The following SGCD variants were observed in gnomAD, a reference collection of about 807,000 sequenced individuals.
SGCD encodes the protein delta-sarcoglycan.
A neutral mutation model predicts 36.6 loss-of-function variants in SGCD; 18 were observed. The ratio of observed to expected loss-of-function variants is 0.49; its 90% CI spans 0.34 to 0.73. The LOEUF is 0.73. Among genes scored for constraint, SGCD ranks in the 30% least tolerant of loss-of-function variants. The pLI is 0.01. For missense variants in SGCD, 387 were observed against 346.7 expected (o/e 1.12, Z -0.92); for synonymous variants, 133 against 130.6 (o/e 1.02, Z -0.12).
intron 7 of SGCD, among the ~76,000 whole-genome samples, chr5:156,748,389 T>A (rs1463247173): frequency 6.6e-6 from 1 of 152,188 alleles, no homozygotes; most frequent in East Asian, 1.9e-4. Context: ...TCTGAAATTT[T>A]AAAAATTTCG....
At chr5:155,917,543 A>G (rs1310733377) in intron 1 of SGCD, among the ~76,000 whole-genome samples, 3 of 152,252 alleles carry the variant, frequency 2.0e-5, no homozygotes, top group Non-Finnish European at 4.4e-5. Context: ...GAAATAAAAC[A>G]TACAGCCTAA....
At chr5:155,761,909 G>T in the SGCD span, among the ~76,000 whole-genome samples, 1 of 151,962 alleles carries the variant, frequency 6.6e-6, no homozygotes, top group African/African-American at 2.4e-5. Context: ...TGTCATGTCT[G>T]CCAATTTTTG....
chr5:155,752,467 G>T, the SGCD span, among the ~76,000 whole-genome samples: 1 of 152,020 alleles, frequency 6.6e-6, no homozygotes, highest in Non-Finnish European at 1.5e-5. Context: ...CCTTACTCAG[G>T]CCAATCTTTC....
At chr5:156,322,958 T>TA (rs34414241), upstream of SGCD, among the ~76,000 whole-genome samples, 12 of 152,282 alleles carry the variant, frequency 7.9e-5, no homozygotes, top group East Asian at 2.3e-3. Context: ...CTGAGGGGAT[T>TA]AAAAAATACT....
At chr5:156,444,103 TCTCTCTCTCTCTC>T (rs1753639488) in intron 3 of SGCD, among the ~76,000 whole-genome samples, 4 of 107,916 alleles carry the variant, frequency 3.7e-5, no homozygotes, top group East Asian at 6.5e-4. Flanking sequence ...TCTCTCTCTC[TCTCTCTCTCTCTC>T]CCCTTCCCTC....
At chr5:156,555,857 T>C (rs1410387835) in intron 4 of SGCD, among the ~76,000 whole-genome samples, 1 of 152,124 alleles carries the variant, frequency 6.6e-6, no homozygotes, top group Non-Finnish European at 1.5e-5. Context: ...TTTAATTTCT[T>C]TTAGCAGTGT....
intron 3 of SGCD, among the ~76,000 whole-genome samples, chr5:156,156,754 TGGG>T (rs1762974156): frequency 6.6e-6 from 1 of 151,498 alleles, no homozygotes; most frequent in African/African-American, 2.4e-5. Flanking sequence ...GGTCTTCTGA[TGGG>T]CTGATTGTTG....
At chr5:156,047,333 A>G (rs370642216) in intron 1 of SGCD, among the ~76,000 whole-genome samples, 3 of 152,314 alleles carry the variant, frequency 2.0e-5, no homozygotes, top group African/African-American at 7.2e-5. Flanking sequence ...CAGATTCTCA[A>G]TGTAAATGAA....
At chr5:156,527,045 G>T (rs1359657344) in intron 4 of SGCD, among the ~76,000 whole-genome samples, 2 of 152,096 alleles carry the variant, frequency 1.3e-5, no homozygotes, top group Non-Finnish European at 2.9e-5. Flanking sequence ...AGGGCCACTG[G>T]GCAGGTAAGA....
At chr5:156,263,282 C>T (rs1183851764) in intron 3 of SGCD, among the ~76,000 whole-genome samples, 1 of 151,658 alleles carries the variant, frequency 6.6e-6, no homozygotes, top group Non-Finnish European at 1.5e-5. Context: ...TATGTTCTGA[C>T]TATGGCCATT....
intron 5 of SGCD, among the ~76,000 whole-genome samples, chr5:156,592,425 C>T (rs1581220983): frequency 6.6e-6 from 1 of 152,156 alleles, no homozygotes; most frequent in Non-Finnish European, 1.5e-5. Flanking sequence ...AAGATAGCTA[C>T]ATCTTAGCCT....
intron 1 of SGCD, among the ~76,000 whole-genome samples, chr5:155,904,899 G>T (rs1478279049): frequency 6.6e-6 from 1 of 152,176 alleles, no homozygotes; most frequent in Non-Finnish European, 1.5e-5. Context: ...AAACTGCCAT[G>T]TAATAGGTGG....
intron 3 of SGCD, among the ~76,000 whole-genome samples, chr5:156,449,696 A>AAAAAAAAAAAAAAAC (rs1753916524): frequency 6.7e-6 from 1 of 148,488 alleles, no homozygotes; most frequent in South Asian, 2.1e-4. Context: ...AAAAAAAAAA[A>AAAAAAAAAAAAAAAC]AAAAAATCAG....
At chr5:156,569,290 AC>A (rs1759622649) in intron 4 of SGCD, among the ~76,000 whole-genome samples, 1 of 152,070 alleles carries the variant, frequency 6.6e-6, no homozygotes. Flanking sequence ...GAGGAGACAG[AC>A]AAAAAAAAAT....
At chr5:156,008,942 T>C (rs1021282095) in intron 1 of SGCD, among the ~76,000 whole-genome samples, 3 of 152,220 alleles carry the variant, frequency 2.0e-5, no homozygotes, top group African/African-American at 7.2e-5. Flanking sequence ...AGTCATATTT[T>C]AATGCTTTGG....
intron 3 of SGCD, among the ~76,000 whole-genome samples, chr5:156,382,047 T>A (rs1771012195): frequency 6.6e-6 from 1 of 152,184 alleles, no homozygotes; most frequent in Non-Finnish European, 1.5e-5. Context: ...TTGAAGTATG[T>A]ATGGTTTTAT....
chr5:156,214,049 C>G (rs866809042), intron 3 of SGCD, among the ~76,000 whole-genome samples: 1 of 151,936 alleles, frequency 6.6e-6, no homozygotes, highest in Non-Finnish European at 1.5e-5. Context: ...AGGAGCAAGA[C>G]AAGGATGCCC....
In SGCD at chr5:156,142,351, A is replaced by G. The variant is rs1762602857; in HGVS notation, c.-44+18332A>G. The stretch of plus-strand genomic sequence containing the variant: ...TTTCTTTACAACAATGTGAGAACAG[A>G]CTAATACAGAAAATTGGTATCAAGA... On this transcript the variant is annotated intron_variant, in intron 3 of 9. Coordinates refer to the SGCD transcript ENST00000517913. Among the ~76,000 whole-genome samples the G allele has an allele frequency of 2.0e-5, 3 of 152,228 alleles. No homozygotes were observed. In the South Asian group the frequency reaches 6.2e-4, roughly 31 times the overall value.
chr5:156,214,424 T>A (rs1317973767), intron 3 of SGCD, among the ~76,000 whole-genome samples: 1 of 151,866 alleles, frequency 6.6e-6, no homozygotes, highest in Non-Finnish European at 1.5e-5. Flanking sequence ...ACCTGTATGC[T>A]GAAAACAATG....
Sources: gnomAD v4.1 joint callset for allele counts (sites outside exome capture counted in the v4.1 genomes callset) on GRCh38, gnomAD v4.1.1 for gene constraint, MANE v1.5 for transcripts, NCBI Gene and HGNC (gene_info 2026-07-23, HGNC 2026-07-21) for gene names.